OBI1: variants seen among roughly 807,000 people sequenced by gnomAD.
The protein encoded by OBI1 is ring finger protein 219.
A neutral mutation model predicts 62.4 loss-of-function variants in OBI1; 59 were observed. The ratio of observed to expected loss-of-function variants is 0.95; its 90% CI spans 0.77 to 1.17. The LOEUF (loss-of-function observed/expected upper bound fraction) is 1.17, where lower values mean the gene tolerates loss of function less well. Among genes scored for constraint, OBI1 ranks in the 50% most tolerant of loss-of-function variants. The pLI, the probability that OBI1 is intolerant of heterozygous loss-of-function variation, is 0.00. For synonymous variants in OBI1, 302 were observed against 292.8 expected, an observed-to-expected ratio of 1.03 and a Z score of -0.32; for missense variants, 875 against 830.9, an observed-to-expected ratio of 1.05 and a Z score of -0.65.
Position 78,649,616 on chromosome 13 carries a change from C to T in OBI1, c.73-4619G>A, listed in dbSNP as rs148192771. 6.1e-4 allele frequency among the ~76,000 whole-genome samples: 93 copies of T among 152,162 alleles called. 1 individual carries two copies. Among genetic ancestry groups the T allele is most frequent in the African/African-American group, 2.0e-3 (82 of 41,510 alleles). On this transcript the variant is annotated intron_variant, in intron 1 of 5. Transcript: ENST00000282003. ...TAAAGGAGAGAGCATAAAAATGAGACGACGGTTAGGAATACCAATGGGAAT... is the reference window on the plus strand; with the variant it reads ...TAAAGGAGAGAGCATAAAAATGAGATGACGGTTAGGAATACCAATGGGAAT...
chr13:78,638,821 AC>A lies in OBI1; in HGVS notation c.549+1del. The A allele has an allele frequency of 6.2e-7, 1 of 1,604,178 alleles. No individual in the cohort carries two copies. Among genetic ancestry groups the A allele is most frequent in the Non-Finnish European group, 8.5e-7 (1 of 1,176,878 alleles). On this transcript the variant is annotated splice_donor_variant, in intron 4 of 5. Coordinates refer to ENST00000282003, the MANE Select transcript of OBI1 (RefSeq NM_024546.4). LOFTEE classifies it high-confidence loss of function. Reference sequence around the variant, plus strand: ...AATAGATTTTTAAAAACCACAACTTACCTCCTTTAGCTTATCCACATCATCT... The same window carrying A: ...AATAGATTTTTAAAAACCACAACTTACTCCTTTAGCTTATCCACATCATCT...
intron 4 of OBI1, among the ~76,000 whole-genome samples, chr13:78,638,168 T>C (rs1259037482): frequency 6.6e-6 from 1 of 152,150 alleles, no homozygotes; most frequent in African/African-American, 2.4e-5. Flanking sequence ...GCCTGTAACA[T>C]CTAGTGCTGA....
At chr13:78,618,384 T>A (rs1875391769) in intron 5 of OBI1, among the ~76,000 whole-genome samples, 1 of 151,880 alleles carries the variant, frequency 6.6e-6, no homozygotes, top group African/African-American at 2.4e-5. Context: ...AGAACATGTA[T>A]TTAGTATTGA....
intron 4 of OBI1, among the ~76,000 whole-genome samples, chr13:78,636,653 T>G (rs528245158): frequency 8.5e-4 from 129 of 152,326 alleles, no homozygotes; most frequent in African/African-American, 3.1e-3. Context: ...TCTTCATGAA[T>G]GCACACCAAC....
intron 4 of OBI1, among the ~76,000 whole-genome samples, chr13:78,635,869 TCTC>T (rs1566281179): frequency 6.6e-6 from 1 of 152,138 alleles, no homozygotes; most frequent in Non-Finnish European, 1.5e-5. Flanking sequence ...TTCAGGTGAT[TCTC>T]CTGTCTCAGC....
chr13:78,618,276 G>A (rs1481517619), intron 5 of OBI1, among the ~76,000 whole-genome samples: 1 of 151,894 alleles, frequency 6.6e-6, no homozygotes. Context: ...TGTCTGTTTG[G>A]AGGAAGCTAT....
chr13:78,619,312 C>CCT (rs1299638082), intron 5 of OBI1, among the ~76,000 whole-genome samples: 11 of 142,144 alleles, frequency 7.7e-5, no homozygotes, highest in South Asian at 2.2e-4. Context: ...ACTGTATTTG[C>CCT]CTCTCTCTCT....
chr13:78,639,092 C>A, intron 3 of OBI1, 21 bp from the exon 4 acceptor site: 1 of 1,606,402 alleles, frequency 6.2e-7, no homozygotes, highest in South Asian at 1.1e-5. Context: ...ATTGCATAGT[C>A]ATGAGGCAGG....
chr13:78,628,665 A>G (rs2137438807), intron 5 of OBI1, among the ~76,000 whole-genome samples: 1 of 152,356 alleles, frequency 6.6e-6, no homozygotes, highest in South Asian at 2.1e-4. Context: ...AATAGTTTTA[A>G]GCAGGAGATT....
chr13:78,616,817 G>A lies in OBI1; in HGVS notation c.944C>T (p.Pro315Leu). The change falls in exon 6 of 6, where the codon CCT (proline) becomes CTT (leucine). Residue 315 changes from proline to leucine, a missense_variant. Physicochemically the swap from Pro to Leu is moderately conservative, Grantham distance 98. Transcript: ENST00000282003. ...GGTGTCACACAGTCTGCTGCTGGAA[G>A]GCTTCGCTAGGTGAGAAGAACTGGA... The part of the protein sequence containing the change: ...STSSSSHLAK[P>L]SSSRLCDTSS... 6.2e-7 allele frequency: 1 copy of A among 1,614,186 alleles called. No individual in the cohort carries two copies. Among genetic ancestry groups the A allele is most frequent in the Non-Finnish European group, 8.5e-7 (1 of 1,180,020 alleles).
chr13:78,616,844 G>A lies in OBI1; in HGVS notation c.917C>T (p.Thr306Ile). Residue 306 changes from threonine to isoleucine, a missense_variant, in exon 6 of 6, where the codon ACC (threonine) becomes ATC (isoleucine). Physicochemically the swap from Thr to Ile is moderately conservative, Grantham distance 89. Coordinates refer to ENST00000282003, the MANE Select transcript of OBI1 (RefSeq NM_024546.4). The part of the protein sequence containing the change: ...DSARKQPGSS[T>I]SSSSHLAKPS... ...CTTCGCTAGGTGAGAAGAACTGGAG[G>A]TGGATGAGCCAGGCTGCTTTCTGGC... 6.2e-7 allele frequency: 1 copy of A among 1,614,204 alleles called. No individual in the cohort carries two copies. The highest frequency in any genetic ancestry group is 1.6e-4 in the Middle Eastern group (1 of 6,062).
At chr13:78,645,123 C>G in intron 1 of OBI1, 126 bp from the exon 2 acceptor site, 1 of 895,104 alleles carries the variant, frequency 1.1e-6, no homozygotes, top group Non-Finnish European at 1.7e-6. Flanking sequence ...GGATATCTAG[C>G]GCTTTTAAAA....
intron 1 of OBI1, among the ~76,000 whole-genome samples, chr13:78,653,220 G>A (rs1454919608): frequency 6.6e-6 from 1 of 152,144 alleles, no homozygotes; most frequent in African/African-American, 2.4e-5. Context: ...AGAAAGTCTT[G>A]TTTTAGGCGG....
chr13:78,638,497 T>TA lies in OBI1; in HGVS notation c.549+325dup, dbSNP rs201182029. Among the ~76,000 whole-genome samples the TA allele has an allele frequency of 1.1e-4, 17 of 152,254 alleles. No individual in the cohort carries two copies. In the East Asian group the frequency reaches 2.9e-3, roughly 26 times the overall value. On this transcript the variant is annotated intron_variant, in intron 4 of 5. Transcript: ENST00000282003. ...ACAGGGGAAGTCGCTGATATAAGCT[T>TA]AAAAAACCTATGGCAAACCACAAAG...
At chr13:78,644,504 A>G (rs1421085267) in intron 2 of OBI1, among the ~76,000 whole-genome samples, 2 of 151,054 alleles carry the variant, frequency 1.3e-5, no homozygotes, top group Non-Finnish European at 2.9e-5. Flanking sequence ...CTTAAATTTA[A>G]ATGTCCAGCT....
chr13:78,644,940 A>C lies in OBI1; in HGVS notation c.130T>G (p.Leu44Val). The C allele has an allele frequency of 6.2e-7, 1 of 1,613,798 alleles. No individual in the cohort carries two copies. Residue 44 changes from leucine to valine, a missense_variant, in exon 2 of 6, where the codon TTG becomes GTG. Coordinates refer to ENST00000282003, the MANE Select transcript of OBI1 (RefSeq NM_024546.4). Reference sequence around the variant, plus strand: ...CACTGGCTATTATTCTTCAACCACAAATCAATACAAATCGAACAAAATACA... The same window carrying C: ...CACTGGCTATTATTCTTCAACCACACATCAATACAAATCGAACAAAATACA... ...NHVFCSICID[L>V]WLKNNSQCPA...
intron 3 of OBI1, among the ~76,000 whole-genome samples, chr13:78,641,397 T>C (rs946307461): frequency 2.0e-5 from 3 of 152,138 alleles, no homozygotes; most frequent in East Asian, 3.8e-4. Context: ...TTTGAGGCAG[T>C]TGAGGCACCT....
intron 1 of OBI1, among the ~76,000 whole-genome samples, chr13:78,654,181 A>T (rs1170807092): frequency 3.3e-5 from 5 of 152,166 alleles, no homozygotes; most frequent in African/African-American, 1.2e-4. Context: ...CTGGAATTGT[A>T]CTTGTCAAGT....
At chr13:78,634,104 AAAC>A (rs1388471243) in intron 5 of OBI1, among the ~76,000 whole-genome samples, 1 of 151,488 alleles carries the variant, frequency 6.6e-6, no homozygotes, top group Non-Finnish European at 1.5e-5. Context: ...CAAAAAAAAA[AAAC>A]AAAAAACAAA....
Sources: allele counts gnomAD v4.1 joint callset (sites outside exome capture counted in the v4.1 genomes callset), GRCh38; gene constraint gnomAD v4.1.1; transcripts MANE v1.5; gene names NCBI Gene and HGNC (gene_info 2026-07-23, HGNC 2026-07-21).